Variants in GRID2 observed in about 807,000 individuals in gnomAD.
GRID2 encodes the protein glutamate ionotropic receptor delta type subunit 2.
GRID2 carries 33 observed loss-of-function variants against 114.8 expected under a neutral mutation model. The observed-to-expected ratio is 0.29, with a 90% CI of 0.22 to 0.38. The LOEUF is 0.38. Ranked by LOEUF, GRID2 falls within the 10% of genes least tolerant of loss-of-function variation. The pLI is 1.00. For missense variants in GRID2, 1,184 were observed against 1,257.7 expected (o/e 0.94, Z 0.89); for synonymous variants, 505 against 449.9 (o/e 1.12, Z -1.55).
chr4:93,325,536 T>C lies in GRID2; in HGVS notation c.1246-70071T>C, dbSNP rs555185018. Among the ~76,000 whole-genome samples the C allele has an allele frequency of 9.0e-4, 137 of 152,064 alleles. 1 individual carries two copies. Among genetic ancestry groups the C allele is most frequent in the African/African-American group, 3.2e-3 (134 of 41,554 alleles). Reference sequence around the variant, plus strand: ...AGGTAATTTCTTAAATTTTACAATATAGATTATTAATTTTCTATTTTGTTA... The same window carrying C: ...AGGTAATTTCTTAAATTTTACAATACAGATTATTAATTTTCTATTTTGTTA... On this transcript the variant is annotated intron_variant, in intron 8 of 15. Transcript: ENST00000282020.
At chr4:92,648,504 G>A (rs963805869) in intron 2 of GRID2, among the ~76,000 whole-genome samples, 6 of 149,400 alleles carry the variant, frequency 4.0e-5, no homozygotes, top group East Asian at 1.9e-4. Context: ...AGCATGTATC[G>A]AGCATGGCTG....
chr4:92,620,766 G>A lies in GRID2; in HGVS notation c.244+30480G>A, dbSNP rs563865967. ...ATGACAGTATTAGGACACAGGAAGTGGAACATCACACACCGGGGACTGTTG... is the reference window on the plus strand; with the variant it reads ...ATGACAGTATTAGGACACAGGAAGTAGAACATCACACACCGGGGACTGTTG... On this transcript the variant is annotated intron_variant, in intron 2 of 15. Coordinates refer to ENST00000282020, the MANE Select transcript of GRID2 (RefSeq NM_001510.4). Among the ~76,000 whole-genome samples the A allele has an allele frequency of 1.6e-3, 241 of 151,218 alleles. 1 individual carries two copies. Among genetic ancestry groups the A allele is most frequent in the African/African-American group, 5.7e-3 (237 of 41,302 alleles).
intron 2 of GRID2, among the ~76,000 whole-genome samples, chr4:92,728,224 C>T (rs182868754): frequency 2.4e-4 from 37 of 152,178 alleles, no homozygotes; most frequent in Middle Eastern, 3.4e-3. Context: ...TAACTCATTT[C>T]CTTCTCTTTT....
chr4:92,571,957 C>T (rs1197724138), intron 1 of GRID2, among the ~76,000 whole-genome samples: 1 of 152,122 alleles, frequency 6.6e-6, no homozygotes, highest in Admixed American at 6.6e-5. Flanking sequence ...GACACCCTAA[C>T]ATCACAATTA....
chr4:93,224,988 T>G (rs1320607242), intron 7 of GRID2, among the ~76,000 whole-genome samples: 1 of 151,800 alleles, frequency 6.6e-6, no homozygotes, highest in African/African-American at 2.4e-5. Flanking sequence ...TTTAAGCAAG[T>G]AAAAAAAATT....
chr4:93,731,001 G>C lies in GRID2; in HGVS notation c.2361-38209G>C, dbSNP rs540040041. 3.9e-5 allele frequency among the ~76,000 whole-genome samples: 6 copies of C among 152,326 alleles called. No homozygotes were observed. In the South Asian group the frequency reaches 1.0e-3, roughly 26 times the overall value. ...GGAGGGCAGTTTCCCCGTGACACCTGCTGGGCAAAGCTTTCGTCACTGACT... is the reference window on the plus strand; with the variant it reads ...GGAGGGCAGTTTCCCCGTGACACCTCCTGGGCAAAGCTTTCGTCACTGACT... On this transcript the variant is annotated intron_variant, in intron 14 of 15. Coordinates refer to ENST00000282020, the MANE Select transcript of GRID2 (RefSeq NM_001510.4).
intron 13 of GRID2, among the ~76,000 whole-genome samples, chr4:93,537,460 T>C (rs1465946171): frequency 2.0e-5 from 3 of 151,738 alleles, no homozygotes; most frequent in African/African-American, 7.2e-5. Flanking sequence ...AAAGTGATAA[T>C]TACCATCAAA....
At chr4:93,029,645 G>A (rs1015563101) in intron 2 of GRID2, among the ~76,000 whole-genome samples, 29 of 151,880 alleles carry the variant, frequency 1.9e-4, no homozygotes, top group African/African-American at 7.0e-4. Flanking sequence ...TGAGAAAGTA[G>A]GGTTAATAAA....
At chr4:92,485,857 C>T (rs531065092) in intron 1 of GRID2, among the ~76,000 whole-genome samples, 26 of 151,788 alleles carry the variant, frequency 1.7e-4, no homozygotes, top group Admixed American at 2.6e-4. Flanking sequence ...ATAAATTTTA[C>T]GTGGAATTTT....
At chr4:92,444,633 G>A (rs889424127) in intron 1 of GRID2, among the ~76,000 whole-genome samples, 2 of 152,122 alleles carry the variant, frequency 1.3e-5, no homozygotes, top group African/African-American at 4.8e-5. Context: ...CAATGGCTTG[G>A]CTTGGGCTCA....
chr4:93,704,392 A>G (rs1044880097), intron 14 of GRID2, among the ~76,000 whole-genome samples: 8 of 152,054 alleles, frequency 5.3e-5, no homozygotes, highest in African/African-American at 1.7e-4. Context: ...GAGTCTTGAT[A>G]TTAGCCGTTT....
intron 2 of GRID2, among the ~76,000 whole-genome samples, chr4:92,723,963 C>A (rs923564389): frequency 1.3e-5 from 2 of 151,980 alleles, no homozygotes; most frequent in African/African-American, 2.4e-5. Context: ...TTCATAGGGA[C>A]TTTTTCTTTT....
intron 8 of GRID2, among the ~76,000 whole-genome samples, chr4:93,267,743 T>A (rs1336850388): frequency 6.6e-6 from 1 of 152,188 alleles, no homozygotes; most frequent in African/African-American, 2.4e-5. Context: ...CACCTCTCAG[T>A]TCTGGCTTTG....
intron 2 of GRID2, among the ~76,000 whole-genome samples, chr4:92,942,911 G>A (rs1751278874): frequency 6.6e-6 from 1 of 152,166 alleles, no homozygotes; most frequent in Non-Finnish European, 1.5e-5. Context: ...ACTCTCTTCT[G>A]GCTTGTAGAG....
At chr4:93,590,195 T>A (rs1187074577) in intron 13 of GRID2, among the ~76,000 whole-genome samples, 1 of 150,730 alleles carries the variant, frequency 6.6e-6, no homozygotes, top group African/African-American at 2.4e-5. Context: ...AGGTCTAACG[T>A]TTTAAGTCTT....
chr4:92,868,058 TTCTTTCTTTCTGTCTGTCTG>T (rs1203376494), intron 2 of GRID2, among the ~76,000 whole-genome samples: 89 of 134,372 alleles, frequency 6.6e-4, no homozygotes, highest in African/African-American at 2.0e-3. Context: ...CTTTCTTTCT[TTCTTTCTTTCTGTCTGTCTG>T]TCTGTCTGTC....
intron 1 of GRID2, among the ~76,000 whole-genome samples, chr4:93,789,272 A>G (rs1734650153): frequency 6.6e-6 from 1 of 152,238 alleles, no homozygotes; most frequent in South Asian, 2.1e-4. Flanking sequence ...GCAATTGTGA[A>G]ATTTAAAAGG....
intron 2 of GRID2, among the ~76,000 whole-genome samples, chr4:92,785,746 G>A (rs1739291295): frequency 6.6e-6 from 1 of 151,288 alleles, no homozygotes; most frequent in Non-Finnish European, 1.5e-5. Flanking sequence ...ATTTTTTCTG[G>A]GAAAACATGC....
At chr4:93,783,746 T>C (rs1224547921) in intron 1 of GRID2, among the ~76,000 whole-genome samples, 1 of 152,138 alleles carries the variant, frequency 6.6e-6, no homozygotes, top group Non-Finnish European at 1.5e-5. Context: ...TTCTCCCCTC[T>C]TGCTTAGAGT....
Sources: allele counts gnomAD v4.1 joint callset (sites outside exome capture counted in the v4.1 genomes callset), GRCh38; gene constraint gnomAD v4.1.1; transcripts MANE v1.5; gene names NCBI Gene and HGNC (gene_info 2026-07-23, HGNC 2026-07-21).